Variants in CCDC15 observed in about 807,000 individuals in gnomAD.
CCDC15 encodes the protein coiled-coil domain containing 15, also known as coiled-coil domain-containing protein 15.
In CCDC15, 105 loss-of-function variants were observed where a neutral mutation model predicts 114.5. The ratio of observed to expected loss-of-function variants is 0.92; its 90% confidence interval spans 0.78 to 1.08. The LOEUF is 1.08. Among genes scored for constraint, CCDC15 ranks in the 50% least tolerant of loss-of-function variants. CCDC15 has a pLI of 0.00. For synonymous variants in CCDC15, 334 were observed against 377.8 expected (o/e 0.88, Z 1.34); for missense variants, 1,105 against 1,093.6 (o/e 1.01, Z -0.15).
intron 11 of CCDC15, among the ~76,000 whole-genome samples, chr11:124,999,795 G>C (rs35800141): frequency 3.4e-5 from 5 of 147,346 alleles, no homozygotes; most frequent in Admixed American, 2.0e-4. Flanking sequence ...TTACCCCTCA[G>C]AATTGGTCAC....
rs1458628818 is a variant in CCDC15, at chr11:125,023,518, C to G, written c.2412-14913C>G. Among the ~76,000 whole-genome samples, 3 of 151,914 alleles carry G rather than the reference C, an allele frequency of 2.0e-5. 1 individual carries two copies. Among genetic ancestry groups the G allele is most frequent in the Admixed American group, 1.3e-4 (2 of 15,222 alleles). On this transcript the variant is annotated intron_variant, in intron 13 of 15. Coordinates refer to ENST00000344762, the MANE Select transcript of CCDC15 (RefSeq NM_025004.3). The stretch of plus-strand genomic sequence containing the variant: ...TTAACATTTCTCTCAGGAAAATATA[C>G]AAGTGGCTAATAAGCACATGAAAAG...
intron 13 of CCDC15, among the ~76,000 whole-genome samples, chr11:125,022,160 C>T (rs1591611555): frequency 6.6e-6 from 1 of 151,822 alleles, no homozygotes; most frequent in Non-Finnish European, 1.5e-5. Context: ...TTTAAGAGAG[C>T]AAGATGACAT....
chr11:125,032,919 A>G (rs979148571), intron 13 of CCDC15, among the ~76,000 whole-genome samples: 2 of 152,210 alleles, frequency 1.3e-5, no homozygotes, highest in African/African-American at 4.8e-5. Flanking sequence ...GTCAGCTCAG[A>G]GTCAGTGTCC....
intron 13 of CCDC15, among the ~76,000 whole-genome samples, chr11:125,013,390 A>AAAGTC (rs1663076906): frequency 6.6e-6 from 1 of 152,216 alleles, no homozygotes; most frequent in African/African-American, 2.4e-5. Context: ...TTTTAAGGCA[A>AAAGTC]AAGTCCTATA....
chr11:124,988,072 C>T lies in CCDC15; in HGVS notation c.1846C>T (p.Leu616Phe). The T allele has an allele frequency of 1.2e-6, 2 of 1,613,972 alleles. No homozygotes were observed. Among genetic ancestry groups the T allele is most frequent in the Non-Finnish European group, 1.7e-6 (2 of 1,179,878 alleles). Residue 616 changes from leucine (L) to phenylalanine (F), a missense_variant, in exon 8 of 16, where the codon CTC becomes TTC. By Grantham distance (22) the Leu-to-Phe change is conservative. Transcript: ENST00000344762. ...RDFLPRDLHV[L>F]SNDQNILPKC... ...TTTTCTACCCAGAGACCTGCATGTT[C>T]TCTCCAACGACCAGAATATTCTACC...
chr11:124,994,688 G>T (rs1200658589), intron 11 of CCDC15, among the ~76,000 whole-genome samples: 2 of 152,032 alleles, frequency 1.3e-5, no homozygotes, highest in Non-Finnish European at 2.9e-5. Context: ...TCAGGTTTGG[G>T]CTGGAGCTTG....
At chr11:125,028,503 TTGGTGG>T (rs1163398081) in intron 13 of CCDC15, among the ~76,000 whole-genome samples, 1 of 151,936 alleles carries the variant, frequency 6.6e-6, no homozygotes, top group Non-Finnish European at 1.5e-5. Flanking sequence ...ATTCCTAAGG[TTGGTGG>T]TGGTGGTTTT....
intron 9 of CCDC15, among the ~76,000 whole-genome samples, 171 bp from the exon 10 acceptor site, chr11:124,992,409 G>A (rs1435461855): frequency 6.6e-6 from 1 of 152,180 alleles, no homozygotes; most frequent in Non-Finnish European, 1.5e-5. Context: ...TAAGAATTAA[G>A]GTCTACATAG....
chr11:124,959,263 G>C lies in CCDC15; in HGVS notation c.326G>C (p.Arg109Thr). The change falls in exon 3 of 16, where the codon AGA (arginine) becomes ACA (threonine). Residue 109 changes from arginine (R) to threonine (T), a missense_variant and splice_region_variant. Physicochemically the swap from Arg to Thr is moderately conservative, Grantham distance 71. Coordinates refer to ENST00000344762, the MANE Select transcript of CCDC15 (RefSeq NM_025004.3). The stretch of plus-strand genomic sequence containing the variant: ...CAACAGCTTCAGAAGTCTTATGAAA[G>C]AGTAAGTTCAAAAGTGAGCCTGAGT... ...KKQQLQKSYE[R>T]AQKEGSIAMQ... The C allele has an allele frequency of 6.4e-7, 1 of 1,572,048 alleles. No individual in the cohort carries two copies. Among genetic ancestry groups the C allele is most frequent in the East Asian group, 2.3e-5 (1 of 44,090 alleles).
At chr11:124,985,149 A>C (rs187883485) in intron 6 of CCDC15, among the ~76,000 whole-genome samples, 2 of 152,194 alleles carry the variant, frequency 1.3e-5, no homozygotes, top group African/African-American at 4.8e-5. Flanking sequence ...ATAATGTTTT[A>C]AAGTTCATCC....
intron 13 of CCDC15, 97 bp downstream of exon 13, chr11:125,005,309 C>T (rs143745655): frequency 1.9e-6 from 1 of 526,228 alleles, no homozygotes; most frequent in Non-Finnish European, 3.3e-6. Flanking sequence ...GCCCTCTGAT[C>T]CATATTGAAA....
chr11:124,960,848 T>C (rs1284736617), intron 4 of CCDC15, among the ~76,000 whole-genome samples: 1 of 152,204 alleles, frequency 6.6e-6, no homozygotes, highest in Non-Finnish European at 1.5e-5. Context: ...CTTCATCTTA[T>C]TTAAAATGTA....
At chr11:124,979,752 A>AT (rs984045715) in intron 6 of CCDC15, among the ~76,000 whole-genome samples, 9 of 151,782 alleles carry the variant, frequency 5.9e-5, no homozygotes, top group Non-Finnish European at 1.0e-4. Context: ...CTTGGATGTC[A>AT]TTTTTTTTCT....
intron 5 of CCDC15, among the ~76,000 whole-genome samples, chr11:124,975,488 A>G (rs537991387): frequency 5.2e-4 from 79 of 152,346 alleles, no homozygotes; most frequent in African/African-American, 1.8e-3. Context: ...TAATTAAAAT[A>G]TATGTATATG....
At chr11:125,014,679 A>C (rs181404874) in intron 13 of CCDC15, among the ~76,000 whole-genome samples, 1 of 152,278 alleles carries the variant, frequency 6.6e-6, no homozygotes, top group Non-Finnish European at 1.5e-5. Context: ...CAACAAACTT[A>C]ACAGTACCAG....
chr11:125,032,707 T>C (rs1331178232), intron 13 of CCDC15, among the ~76,000 whole-genome samples: 4 of 152,210 alleles, frequency 2.6e-5, no homozygotes, highest in Non-Finnish European at 4.4e-5. Flanking sequence ...AATCAGCCAA[T>C]GTGGGGGTTC....
intron 11 of CCDC15, among the ~76,000 whole-genome samples, chr11:124,999,552 A>G (rs974886283): frequency 6.7e-6 from 1 of 149,414 alleles, no homozygotes; most frequent in Non-Finnish European, 1.5e-5. Context: ...TCATTCTTCT[A>G]TTGAGTCTAT....
intron 11 of CCDC15, among the ~76,000 whole-genome samples, chr11:124,996,400 G>A (rs2135501392): frequency 6.6e-6 from 1 of 152,162 alleles, no homozygotes; most frequent in East Asian, 1.9e-4. Flanking sequence ...CTATCTCAGA[G>A]GAAAAGTTTT....
chr11:125,006,477 G>A (rs1051586785), intron 13 of CCDC15, among the ~76,000 whole-genome samples: 2 of 152,062 alleles, frequency 1.3e-5, no homozygotes, highest in African/African-American at 4.8e-5. Flanking sequence ...CCAGTCTGTA[G>A]CATGTCTTCT....
Sources: gnomAD v4.1 joint callset for allele counts (sites outside exome capture counted in the v4.1 genomes callset) on GRCh38, gnomAD v4.1.1 for gene constraint, MANE v1.5 for transcripts, NCBI Gene and HGNC (gene_info 2026-07-23, HGNC 2026-07-21) for gene names.